KLF15: variants seen among roughly 807,000 people sequenced by gnomAD.
KLF15 encodes Krueppel-like factor 15.
Under a neutral mutation model 24.6 loss-of-function variants are expected in KLF15, and 4 were observed. The ratio of observed to expected loss-of-function variants is 0.16; its 90% CI spans 0.08 to 0.37. KLF15 has a LOEUF of 0.37. KLF15 is among the 10% of genes least tolerant of loss of function. The pLI is 1.00. For missense variants in KLF15, 496 were observed against 560.6 expected, an observed-to-expected ratio of 0.88 and a Z score of 1.16; for synonymous variants, 246 against 236.3, an observed-to-expected ratio of 1.04 and a Z score of -0.37.
chr3:126,293,583 G>A, the KLF15 span, among the ~76,000 whole-genome samples: 2 of 152,150 alleles, frequency 1.3e-5, no homozygotes, highest in East Asian at 1.9e-4. Flanking sequence ...GTCAACGTCG[G>A]ACTCTAAATG....
chr3:126,318,693 A>T, the KLF15 span, among the ~76,000 whole-genome samples: 1 of 151,946 alleles, frequency 6.6e-6, no homozygotes, highest in Admixed American at 6.6e-5. Flanking sequence ...CTACTTACTT[A>T]TTTTTTTTAT....
At chr3:126,295,065 C>T in the KLF15 span, among the ~76,000 whole-genome samples, 6 of 152,210 alleles carry the variant, frequency 3.9e-5, no homozygotes, top group African/African-American at 7.2e-5. Context: ...CTTATACGCA[C>T]ATGCATATAG....
chr3:126,296,986 G>A, the KLF15 span, among the ~76,000 whole-genome samples: 1 of 152,076 alleles, frequency 6.6e-6, no homozygotes, highest in South Asian at 2.1e-4. Flanking sequence ...TGTTGCCCAA[G>A]CTGGACTTGA....
chr3:126,331,983 G>C, the KLF15 span, among the ~76,000 whole-genome samples: 1 of 152,178 alleles, frequency 6.6e-6, no homozygotes, highest in Non-Finnish European at 1.5e-5. Context: ...AGGCGCCAGC[G>C]AGGCTGGGGG....
the KLF15 span, among the ~76,000 whole-genome samples, chr3:126,301,981 G>A: frequency 9.2e-5 from 14 of 151,808 alleles, no homozygotes; most frequent in African/African-American, 3.4e-4. Flanking sequence ...TAAGGACATT[G>A]ATTTGAGATC....
the KLF15 span, among the ~76,000 whole-genome samples, chr3:126,295,590 C>G: frequency 1.3e-5 from 2 of 152,214 alleles, no homozygotes; most frequent in African/African-American, 4.8e-5. Flanking sequence ...GCACCCTCCC[C>G]TCCACCCAGA....
the KLF15 span, among the ~76,000 whole-genome samples, chr3:126,323,446 GTT>G: frequency 2.1e-5 from 1 of 47,048 alleles, no homozygotes; most frequent in Non-Finnish European, 3.8e-5. Flanking sequence ...ACATATATAT[GTT>G]ATATATATAT....
At chr3:126,293,382 C>G in the KLF15 span, among the ~76,000 whole-genome samples, 1 of 152,242 alleles carries the variant, frequency 6.6e-6, no homozygotes, top group Admixed American at 6.5e-5. Context: ...AGAGGAGAAG[C>G]TGGCTTGTGG....
At position 126,345,077 on chromosome 3, in the gene KLF15, T is replaced by C. The variant is rs565473319; in HGVS notation, c.1083-1182A>G. ...CTTCTTGCCACAGGCCATTTGCACA[T>C]ACTGTTCCCTCTTTCTAGAATGTTC... On this transcript the variant is annotated intron_variant, in intron 2 of 2. Coordinates refer to ENST00000296233, the MANE Select transcript of KLF15 (RefSeq NM_014079.4). Among the ~76,000 whole-genome samples the C allele has an allele frequency of 6.6e-5, 10 of 151,200 alleles. No individual in the cohort carries two copies. The South Asian group carries it at 2.1e-3, about 32-fold the overall frequency.
At chr3:126,292,078 A>G in the KLF15 span, among the ~76,000 whole-genome samples, 1 of 152,150 alleles carries the variant, frequency 6.6e-6, no homozygotes, top group Non-Finnish European at 1.5e-5. Flanking sequence ...CCCCAAGGCA[A>G]GCCCCCTCCT....
the KLF15 span, among the ~76,000 whole-genome samples, chr3:126,327,712 G>A: frequency 6.6e-6 from 1 of 152,188 alleles, no homozygotes; most frequent in Non-Finnish European, 1.5e-5. Context: ...AAGCCTGCAT[G>A]TCATGTTTAC....
chr3:126,337,368 T>A, the KLF15 span, among the ~76,000 whole-genome samples: 1 of 131,880 alleles, frequency 7.6e-6, no homozygotes, highest in Non-Finnish European at 1.6e-5. Flanking sequence ...TAGGTGGGAA[T>A]TGAACAATGA....
At chr3:126,316,930 A>T in the KLF15 span, among the ~76,000 whole-genome samples, 1 of 152,152 alleles carries the variant, frequency 6.6e-6, no homozygotes, top group Admixed American at 6.5e-5. Flanking sequence ...CCACAGAAAC[A>T]TCCAGGAGAT....
At chr3:126,354,590 G>T (rs1243654015) in intron 1 of KLF15, among the ~76,000 whole-genome samples, 8 of 152,216 alleles carry the variant, frequency 5.3e-5, no homozygotes, top group Non-Finnish European at 1.0e-4. Flanking sequence ...CTAAGGCAAG[G>T]TCTGTGCCCC....
chr3:126,308,516 A>G, the KLF15 span, among the ~76,000 whole-genome samples: 1,082 of 152,296 alleles, frequency 7.1e-3, 13 homozygotes, highest in African/African-American at 0.025. Context: ...GTGCTGACAC[A>G]GAGCTGAGGG....
rs764494570 is a variant in KLF15, at chr3:126,356,310, G to T, written c.-26+927C>A. ...TGGTCCGGGGGGACAGGGGGAAGGA[G>T]ATTTGAGGCTCTCAAACAATTGTTG... is the stretch of plus-strand genomic sequence containing the variant. On this transcript the variant is annotated intron_variant, in intron 1 of 2. Coordinates refer to ENST00000296233, the MANE Select transcript of KLF15 (RefSeq NM_014079.4). This position sits in a 1 kb window ranked among gnomAD's most constrained non-coding sequence, Gnocchi z 4.4. Among the ~76,000 whole-genome samples, 16 of 152,118 alleles carry T rather than the reference G, an allele frequency of 1.1e-4. No individual in the cohort carries two copies. The highest frequency in any genetic ancestry group is 1.3e-4 in the Non-Finnish European group (9 of 68,026).
At chr3:126,301,941 T>G in the KLF15 span, among the ~76,000 whole-genome samples, 1 of 122,158 alleles carries the variant, frequency 8.2e-6, no homozygotes, top group East Asian at 2.1e-4. Flanking sequence ...TAATTTGCTT[T>G]TTTTTTTCCT....
the KLF15 span, among the ~76,000 whole-genome samples, chr3:126,324,806 CT>C: frequency 0.27 from 16,183 of 59,236 alleles, 1,620 homozygotes; most frequent in East Asian, 0.51. Context: ...TTTTTTCGCT[CT>C]TTTTTTTTTT....
the KLF15 span, among the ~76,000 whole-genome samples, chr3:126,297,417 A>T: frequency 6.6e-6 from 1 of 152,216 alleles, no homozygotes; most frequent in Non-Finnish European, 1.5e-5. Context: ...TAAATTTCAT[A>T]TAAATTTGAA....
Sources: gnomAD v4.1 joint callset for allele counts (sites outside exome capture counted in the v4.1 genomes callset) on GRCh38, gnomAD v4.1.1 for gene constraint, Gnocchi (gnomAD v3.1) non-coding constraint, MANE v1.5 for transcripts, NCBI Gene and HGNC (gene_info 2026-07-23, HGNC 2026-07-21) for gene names.